Variants in NRK observed in about 807,000 individuals in gnomAD.
The protein encoded by NRK is Nik related kinase.
A neutral mutation model predicts 125.2 loss-of-function variants in NRK; 67 were observed. The observed-to-expected ratio is 0.54, with a 90% CI of 0.44 to 0.66. The LOEUF (loss-of-function observed/expected upper bound fraction) is 0.66, where lower values mean the gene tolerates loss of function less well. Ranked by LOEUF, NRK falls within the 30% of genes least tolerant of loss-of-function variation. The pLI, the probability that NRK is intolerant of heterozygous loss-of-function variation, is 0.00. For missense variants in NRK, 1,224 were observed against 1,192.9 expected (o/e 1.03, Z -0.38); for synonymous variants, 458 against 429.0 (o/e 1.07, Z -0.84).
At chrX:105,853,501 C>G (rs1489297991) in intron 2 of NRK, among the ~76,000 whole-genome samples, 1 of 111,718 alleles carries the variant, frequency 9.0e-6, no homozygotes, top group Non-Finnish European at 1.9e-5. Context: ...GCCCCACCAA[C>G]CATGTGTGCA....
intron 27 of NRK, among the ~76,000 whole-genome samples, chrX:105,950,454 T>C (rs143549187): frequency 2.5e-4 from 26 of 105,200 alleles, no homozygotes; most frequent in Non-Finnish European, 5.1e-4. Flanking sequence ...TTAGAGAGAG[T>C]AGAATGATTA....
chrX:105,888,079 T>C (rs2039970223), intron 4 of NRK, among the ~76,000 whole-genome samples: 1 of 112,450 alleles, frequency 8.9e-6, no homozygotes, highest in South Asian at 3.7e-4. Context: ...ACCACTGAAC[T>C]AAACGATCTT....
chrX:105,899,933 A>G (rs1053710177), intron 8 of NRK, among the ~76,000 whole-genome samples: 11 of 109,605 alleles, frequency 1.0e-4, no homozygotes, highest in Non-Finnish European at 2.1e-4. Flanking sequence ...ACACCATCGC[A>G]CTCCAGCCTG....
Position 105,923,291 on chromosome X carries a change from T to C in NRK, c.2784T>C (p.Ala928=), listed in dbSNP as rs1156467794. Residue 928 remains alanine, a synonymous_variant, in exon 18 of 29, where the codon GCT becomes GCC. Coordinates refer to ENST00000243300, the MANE Select transcript of NRK (RefSeq NM_198465.4). ...GDYVELYDAS[A]DTDGDDDDES... ...ATGTTGAACTCTATGATGCCAGTGC[T>C]GATACTGATGGTGATGATGATGATG... is the stretch of plus-strand genomic sequence containing the variant. The C allele has an allele frequency of 8.4e-7, 1 of 1,196,969 alleles. No homozygotes were observed.
intron 11 of NRK, chrX:105,907,491 C>T (rs1181131614): frequency 9.0e-6 from 1 of 111,427 alleles, no homozygotes; most frequent in Non-Finnish European, 1.9e-5. Flanking sequence ...AGGCAAGGAG[C>T]AGCAAGAATT....
At chrX:105,829,509 C>A (rs1457326191) in intron 1 of NRK, among the ~76,000 whole-genome samples, 1 of 111,734 alleles carries the variant, frequency 8.9e-6, no homozygotes, top group Admixed American at 9.5e-5. Context: ...TCTACTCATG[C>A]CTTATATAAG....
chrX:105,843,428 TG>T (rs2039355022), intron 2 of NRK, among the ~76,000 whole-genome samples: 1 of 112,067 alleles, frequency 8.9e-6, no homozygotes, highest in African/African-American at 3.2e-5. Flanking sequence ...TCTGCAGATG[TG>T]CCTTGATGGA....
chrX:105,931,707 AC>A (rs1370749821), intron 19 of NRK, among the ~76,000 whole-genome samples: 1 of 111,079 alleles, frequency 9.0e-6, no homozygotes, highest in Non-Finnish European at 1.9e-5. Flanking sequence ...CCTCAGACAC[AC>A]CAGTTGAACT....
intron 26 of NRK, chrX:105,948,726 G>T: frequency 2.0e-6 from 1 of 504,708 alleles, no homozygotes; most frequent in Non-Finnish European, 3.5e-6. Flanking sequence ...CTGGGACATG[G>T]CCTCAAGCAC....
At chrX:105,826,050 C>CTATA (rs2039088742) in intron 1 of NRK, among the ~76,000 whole-genome samples, 1 of 99,187 alleles carries the variant, frequency 1.0e-5, no homozygotes, top group African/African-American at 3.7e-5. Flanking sequence ...CTCTCTCTCT[C>CTATA]TCTCTCTATA....
At chrX:105,943,884 A>T in intron 23 of NRK, 57 bp from the exon 24 acceptor site, 1 of 592,111 alleles carries the variant, frequency 1.7e-6, no homozygotes, top group Non-Finnish European at 2.7e-6. Flanking sequence ...AAATACAAAT[A>T]CTTGAGTGTT....
chrX:105,882,442 C>T (rs2039895746), intron 4 of NRK, among the ~76,000 whole-genome samples: 1 of 111,181 alleles, frequency 9.0e-6, no homozygotes, highest in Non-Finnish European at 1.9e-5. Context: ...CAGAATAAAA[C>T]CAACCAAAGA....
chrX:105,924,604 A>G, intron 18 of NRK, 91 bp from the exon 19 acceptor site: 1 of 720,294 alleles, frequency 1.4e-6, no homozygotes, highest in Non-Finnish European at 2.1e-6. Context: ...GTAGATATGT[A>G]TAAGACACAT....
At chrX:105,828,777 T>G (rs1435957396) in intron 1 of NRK, among the ~76,000 whole-genome samples, 1 of 111,897 alleles carries the variant, frequency 8.9e-6, no homozygotes, top group Non-Finnish European at 1.9e-5. Flanking sequence ...AATCTTTCAA[T>G]GAGTTATAAC....
chrX:105,945,993 T>C lies in NRK; in HGVS notation c.4181T>C (p.Leu1394Pro). 8.3e-7 allele frequency: 1 copy of C among 1,209,840 alleles called. No homozygotes were observed. Among genetic ancestry groups the C allele is most frequent in the Non-Finnish European group, 1.1e-6 (1 of 894,385 alleles). The change falls in exon 25 of 29, where the codon CTC (leucine) becomes CCC (proline). Residue 1394 changes from leucine (L) to proline (P), a missense_variant. By Grantham distance (98) the Leu-to-Pro change is moderately conservative. Coordinates refer to ENST00000243300, the MANE Select transcript of NRK (RefSeq NM_198465.4). Reference protein sequence around the residue: ...PVNRFKRPDELLHLLKLKVFP... With the variant: ...PVNRFKRPDEPLHLLKLKVFP... ...AACCGGTTTAAGAGACCAGATGAGC[T>C]CCTTCATTTGCTGAAGCTCAAGGCA...
intron 2 of NRK, among the ~76,000 whole-genome samples, chrX:105,874,876 A>G (rs1205432631): frequency 1.8e-5 from 2 of 111,810 alleles, no homozygotes; most frequent in Admixed American, 9.5e-5. Context: ...ACTGAAATCA[A>G]CACATTAAGG....
rs2040679604 is a variant in NRK at position 105,937,427 on chromosome X, A to G, written c.3656-12A>G. On this transcript the variant is annotated splice_polypyrimidine_tract_variant and intron_variant, in intron 21 of 28. Transcript: ENST00000243300. Reference sequence around the variant, plus strand: ...AATCTGAGCTAATATAGCACTTTTTATATATGAACAGGAGTCAATTTGCTG... The same window carrying G: ...AATCTGAGCTAATATAGCACTTTTTGTATATGAACAGGAGTCAATTTGCTG... 12 of 1,138,684 alleles carry G rather than the reference A, an allele frequency of 1.1e-5. No homozygotes were observed. The highest frequency in any genetic ancestry group is 1.8e-5 in the African/African-American group (1 of 55,232). The allele number at this position is 1,138,684 out of a possible 1,213,427, so 93.8% of individuals were successfully genotyped here.
rs866574301 is a variant in NRK at position 105,844,027 on chromosome X, G to C, written c.123+12908G>C. The stretch of plus-strand genomic sequence containing the variant: ...TGTGTGTGTGTGTGTGTCTGTGTGT[G>C]TGTGTGTGTGTGTGTCTGTGTGTCT... On this transcript the variant is annotated intron_variant, in intron 2 of 28. Transcript: ENST00000243300. Among the ~76,000 whole-genome samples the C allele has an allele frequency of 1.6e-3, 157 of 100,175 alleles. 1 individual carries two copies. The highest frequency in any genetic ancestry group is 4.2e-3 in the African/African-American group (116 of 27,342). The allele number at this position is 100,175 out of a possible 115,157, so 87.0% of individuals were successfully genotyped here.
chrX:105,912,957 A>G (rs1255256755), intron 14 of NRK, among the ~76,000 whole-genome samples: 2 of 112,230 alleles, frequency 1.8e-5, no homozygotes, highest in Admixed American at 9.4e-5. Context: ...AGTTCATTTA[A>G]AAGGAATGAA....
Sources: allele counts gnomAD v4.1 joint callset (sites outside exome capture counted in the v4.1 genomes callset), GRCh38; gene constraint gnomAD v4.1.1; transcripts MANE v1.5; gene names NCBI Gene and HGNC (gene_info 2026-07-23, HGNC 2026-07-21).